CHN2: variants seen among roughly 807,000 people sequenced by gnomAD.
CHN2 encodes the protein chimerin 2, also known as beta-chimaerin.
CHN2 carries 35 observed loss-of-function variants against 56.3 expected under a neutral mutation model. The observed-to-expected ratio is 0.62, with a 90% CI of 0.47 to 0.82. CHN2 has a LOEUF of 0.82. Ranked by LOEUF, CHN2 falls within the 40% of genes least tolerant of loss-of-function variation. The probability of loss-of-function intolerance (pLI) is 0.00; values close to 1 mark genes in which losing one functional copy is unlikely to be tolerated. For synonymous variants in CHN2, 210 were observed against 212.8 expected (o/e 0.99, Z 0.12); for missense variants, 491 against 580.5 (o/e 0.85, Z 1.58).
intron 1 of CHN2, among the ~76,000 whole-genome samples, chr7:29,242,210 G>A (rs1787740313): frequency 6.6e-6 from 1 of 152,152 alleles, no homozygotes; most frequent in Non-Finnish European, 1.5e-5. Flanking sequence ...TGCCTCTAAA[G>A]GACATATATC....
intron 6 of CHN2, among the ~76,000 whole-genome samples, chr7:29,473,482 T>G (rs111297149): frequency 0.14 from 16,390 of 118,298 alleles, 1,447 homozygotes; most frequent in Admixed American, 0.25. Flanking sequence ...TTTTTTTTTT[T>G]TGTGTGTGTG....
intron 6 of CHN2, among the ~76,000 whole-genome samples, chr7:29,401,869 A>G (rs1039369299): frequency 6.6e-6 from 1 of 152,136 alleles, no homozygotes; most frequent in African/African-American, 2.4e-5. Flanking sequence ...GTGCCCCTTG[A>G]GGGACCATCT....
chr7:29,334,469 G>T (rs760764708), intron 1 of CHN2: 2 of 152,036 alleles, frequency 1.3e-5, no homozygotes, highest in Non-Finnish European at 2.9e-5. Flanking sequence ...GTGGAATTCT[G>T]TGGTTTTAGA....
At chr7:29,311,594 T>C (rs112239438) in intron 1 of CHN2, among the ~76,000 whole-genome samples, 3,264 of 152,324 alleles carry the variant, frequency 0.021, 128 homozygotes, top group African/African-American at 0.075. Flanking sequence ...ACAGGCAGTG[T>C]GGCTCCAGCA....
At chr7:29,482,058 T>C (rs989853532) in intron 7 of CHN2, among the ~76,000 whole-genome samples, 2 of 152,184 alleles carry the variant, frequency 1.3e-5, no homozygotes, top group Admixed American at 1.3e-4. Flanking sequence ...GATAATTAAA[T>C]CTTATTTTTT....
chr7:29,248,274 C>T (rs936937429), intron 1 of CHN2, among the ~76,000 whole-genome samples: 1 of 152,190 alleles, frequency 6.6e-6, no homozygotes, highest in African/African-American at 2.4e-5. Flanking sequence ...GACCAGAGAC[C>T]TGAGCTCTAG....
intron 1 of CHN2, among the ~76,000 whole-genome samples, chr7:29,273,353 A>ATGTG (rs1450158766): frequency 2.5e-4 from 16 of 63,372 alleles, no homozygotes; most frequent in African/African-American, 9.1e-4. Context: ...GTATATATAT[A>ATGTG]TATATATATA....
chr7:29,296,974 G>T (rs991875261), intron 1 of CHN2, among the ~76,000 whole-genome samples: 1 of 152,152 alleles, frequency 6.6e-6, no homozygotes, highest in Non-Finnish European at 1.5e-5. Context: ...TCTGTTAATG[G>T]CTCCTCTGGA....
chr7:29,436,992 A>G (rs1171315061), intron 6 of CHN2, among the ~76,000 whole-genome samples: 5 of 151,830 alleles, frequency 3.3e-5, no homozygotes, highest in African/African-American at 1.2e-4. Context: ...TTACTGTTAC[A>G]TAATATGCTC....
chr7:29,185,986 G>A (rs1192456472), intron 2 of CHN2, among the ~76,000 whole-genome samples: 1 of 152,170 alleles, frequency 6.6e-6, no homozygotes, highest in African/African-American at 2.4e-5. Context: ...CCCCAGAGGT[G>A]ATCAAATTAT....
intron 7 of CHN2, chr7:29,484,100 T>C (rs1039558883): frequency 5.1e-6 from 2 of 392,642 alleles, no homozygotes; most frequent in Non-Finnish European, 1.0e-5. Flanking sequence ...TTTTCTTTTG[T>C]CTCTTTTCTA....
chr7:29,508,367 A>G (rs923354058), intron 11 of CHN2, among the ~76,000 whole-genome samples: 1 of 151,884 alleles, frequency 6.6e-6, no homozygotes, highest in South Asian at 2.1e-4. Flanking sequence ...CACGGAAGTC[A>G]AGCTCACTTT....
chr7:29,188,070 G>A (rs1798938025), intron 2 of CHN2, among the ~76,000 whole-genome samples: 3 of 152,146 alleles, frequency 2.0e-5, no homozygotes, highest in African/African-American at 2.4e-5. Flanking sequence ...GGGGGTGGTA[G>A]GGAGAGATGA....
chr7:29,220,280 A>AAGAGAGAGAGAGAGAGAG (rs60474405), intron 1 of CHN2, among the ~76,000 whole-genome samples: 8 of 138,140 alleles, frequency 5.8e-5, no homozygotes, highest in African/African-American at 2.2e-4. Flanking sequence ...AAAAAAAAAA[A>AAGAGAGAGAGAGAGAGAG]AGAGAGAGAG....
chr7:29,204,877 T>C (rs1784414451), intron 1 of CHN2, among the ~76,000 whole-genome samples: 1 of 152,308 alleles, frequency 6.6e-6, no homozygotes, highest in Middle Eastern at 3.4e-3. Flanking sequence ...CCTGAAATAA[T>C]TAATATCAGA....
intron 1 of CHN2, among the ~76,000 whole-genome samples, chr7:29,260,239 A>C (rs1234281391): frequency 6.6e-6 from 1 of 152,168 alleles, no homozygotes; most frequent in Non-Finnish European, 1.5e-5. Flanking sequence ...GGCCTCCCAA[A>C]GTGCTGGGAT....
chr7:29,184,949 CT>C (rs1798529854), intron 2 of CHN2, among the ~76,000 whole-genome samples: 1 of 152,178 alleles, frequency 6.6e-6, no homozygotes, highest in South Asian at 2.1e-4. Flanking sequence ...AGCTAAAATA[CT>C]TTCGCCTCTC....
At chr7:29,375,190 CTTT>C (rs70980534) in intron 3 of CHN2, among the ~76,000 whole-genome samples, 14,890 of 78,134 alleles carry the variant, frequency 0.19, 3,239 homozygotes, top group South Asian at 0.31. Flanking sequence ...GTGCTCGGCC[CTTT>C]TTTTTTTTTT....
intron 6 of CHN2, among the ~76,000 whole-genome samples, chr7:29,460,493 C>G (rs900022749): frequency 6.6e-6 from 1 of 152,200 alleles, no homozygotes; most frequent in Non-Finnish European, 1.5e-5. Flanking sequence ...TACAAACTGT[C>G]TGGTCTTTAT....
Sources: gnomAD v4.1 joint callset for allele counts (sites outside exome capture counted in the v4.1 genomes callset) on GRCh38, gnomAD v4.1.1 for gene constraint, MANE v1.5 for transcripts, NCBI Gene and HGNC (gene_info 2026-07-23, HGNC 2026-07-21) for gene names.